The following MGAT4C variants were observed in gnomAD, a reference collection of about 807,000 sequenced individuals.
The protein encoded by MGAT4C is MGAT4 family member C, also known as alpha-1,3-mannosyl-glycoprotein 4-beta-N-acetylglucosaminyltransferase C.
Under a neutral mutation model 40.1 loss-of-function variants are expected in MGAT4C, and 19 were observed. That is an observed-to-expected ratio of 0.47 (90% CI 0.33 to 0.70). The LOEUF is 0.70. Among genes scored for constraint, MGAT4C ranks in the 30% least tolerant of loss-of-function variants. The pLI is 0.02. For missense variants in MGAT4C, 491 were observed against 563.2 expected, an observed-to-expected ratio of 0.87 and a Z score of 1.30; for synonymous variants, 181 against 187.1, an observed-to-expected ratio of 0.97 and a Z score of 0.27.
chr12:85,979,410 T>A lies in MGAT4C; in HGVS notation c.1316A>T (p.Asn439Ile). 6.2e-7 allele frequency: 1 copy of A among 1,613,280 alleles called. No homozygotes were observed. The highest frequency in any genetic ancestry group is 8.5e-7 in the Non-Finnish European group (1 of 1,179,504). Residue 439 changes from asparagine to isoleucine, a missense_variant, in exon 5 of 5, where the codon AAC (asparagine) becomes ATC (isoleucine). Physicochemically the swap from Asn to Ile is moderately radical, Grantham distance 149 (BLOSUM62 -3). Coordinates refer to ENST00000611864, the MANE Select transcript of MGAT4C (RefSeq NM_001351288.2). ...YLRLGEFKNG[N>I]FEMSGVNQKI... The stretch of plus-strand genomic sequence containing the variant: ...TTGATTTACACCTGACATTTCAAAG[T>A]TTCCATTTTTGAATTCTCCTAGTCT...
chr12:86,641,581 T>A (rs927935408), intron 2 of MGAT4C, among the ~76,000 whole-genome samples: 1 of 151,640 alleles, frequency 6.6e-6, no homozygotes, highest in African/African-American at 2.4e-5. Flanking sequence ...TACTGATCCC[T>A]GATAAGAATG....
chr12:86,412,983 C>T (rs1956635580), intron 3 of MGAT4C, among the ~76,000 whole-genome samples: 1 of 152,132 alleles, frequency 6.6e-6, no homozygotes, highest in African/African-American at 2.4e-5. Context: ...TCCCCCTTCA[C>T]TCTCTTCCTC....
chr12:86,099,025 C>A (rs1460604563), intron 1 of MGAT4C, among the ~76,000 whole-genome samples: 3 of 151,332 alleles, frequency 2.0e-5, no homozygotes, highest in East Asian at 3.9e-4. Flanking sequence ...GAAATTCTAC[C>A]TTTTTAAAAT....
chr12:86,654,719 A>AT (rs1422845153), intron 2 of MGAT4C, among the ~76,000 whole-genome samples: 4 of 140,860 alleles, frequency 2.8e-5, no homozygotes, highest in African/African-American at 8.5e-5. Context: ...TTTTCCCTGT[A>AT]CCTTTTTTTT....
rs111538950 is a variant in MGAT4C at position 86,409,691 on chromosome 12, T to C, written c.-120+25466A>G. Among the ~76,000 whole-genome samples the C allele has an allele frequency of 5.8e-3, 881 of 152,250 alleles. 7 individuals are homozygous for C. The highest frequency in any genetic ancestry group is 0.02 in the African/African-American group (845 of 41,556). ...ATTGTGCCCCCACCCAAATCTCATG[T>C]CTGAATTGTAATCCCCAGTGTTGGA... On this transcript the variant is annotated intron_variant, in intron 3 of 7. Transcript: ENST00000548651.
intron 2 of MGAT4C, among the ~76,000 whole-genome samples, chr12:86,659,724 T>C (rs1480763118): frequency 4.6e-5 from 7 of 152,014 alleles, no homozygotes; most frequent in Admixed American, 4.6e-4. Context: ...CATTTAGAAC[T>C]CATTGGAGGT....
At chr12:86,680,373 T>C (rs1045785472) in intron 2 of MGAT4C, among the ~76,000 whole-genome samples, 3 of 151,996 alleles carry the variant, frequency 2.0e-5, no homozygotes, top group Non-Finnish European at 4.4e-5. Flanking sequence ...ATATCCTCAC[T>C]TTACAAATGA....
At chr12:86,100,032 GT>G (rs939129997) in intron 1 of MGAT4C, among the ~76,000 whole-genome samples, 4 of 151,078 alleles carry the variant, frequency 2.6e-5, no homozygotes, top group Admixed American at 1.3e-4. Flanking sequence ...TACTACCTTA[GT>G]TTTTTGAATC....
chr12:86,368,552 G>A (rs760554714), intron 3 of MGAT4C, among the ~76,000 whole-genome samples: 1 of 151,232 alleles, frequency 6.6e-6, no homozygotes, highest in Non-Finnish European at 1.5e-5. Flanking sequence ...TCTTAGCACT[G>A]CTTTTGCTAC....
At chr12:86,223,645 G>A (rs915239093) in intron 1 of MGAT4C, among the ~76,000 whole-genome samples, 2 of 152,140 alleles carry the variant, frequency 1.3e-5, no homozygotes, top group Non-Finnish European at 2.9e-5. Context: ...TTCACTACTG[G>A]GGGCCTGAGG....
chr12:86,432,262 A>G (rs1957055073), intron 3 of MGAT4C, among the ~76,000 whole-genome samples: 2 of 152,100 alleles, frequency 1.3e-5, no homozygotes, highest in Admixed American at 1.3e-4. Context: ...GAAGGCAAAG[A>G]TATGGAAATG....
At chr12:86,689,854 C>A (rs575331069) in intron 2 of MGAT4C, among the ~76,000 whole-genome samples, 1 of 152,282 alleles carries the variant, frequency 6.6e-6, no homozygotes, top group Non-Finnish European at 1.5e-5. Flanking sequence ...GCTGGGAGAT[C>A]CACTTCTCTC....
chr12:86,539,948 A>C (rs1360690487), intron 2 of MGAT4C, among the ~76,000 whole-genome samples: 1 of 152,060 alleles, frequency 6.6e-6, no homozygotes, highest in South Asian at 2.1e-4. Flanking sequence ...TAGATTGTAA[A>C]AATTTTCTCC....
intron 2 of MGAT4C, among the ~76,000 whole-genome samples, chr12:86,017,954 T>A (rs1889259640): frequency 6.6e-6 from 1 of 152,134 alleles, no homozygotes; most frequent in South Asian, 2.1e-4. Flanking sequence ...TCAAGAAAAA[T>A]GCTCATTTAT....
At chr12:85,995,035 G>A (rs1886451997) in intron 2 of MGAT4C, among the ~76,000 whole-genome samples, 1 of 152,208 alleles carries the variant, frequency 6.6e-6, no homozygotes, top group Admixed American at 6.5e-5. Context: ...ATTGGTAACT[G>A]AAAGTATTAA....
chr12:86,076,517 T>A (rs1434062491), intron 1 of MGAT4C, among the ~76,000 whole-genome samples: 6 of 152,200 alleles, frequency 3.9e-5, no homozygotes, highest in Non-Finnish European at 1.5e-5. Flanking sequence ...TGTTTCATGC[T>A]GCTGATAAAG....
intron 1 of MGAT4C, among the ~76,000 whole-genome samples, chr12:86,800,618 T>C (rs1470720327): frequency 1.3e-5 from 2 of 151,798 alleles, no homozygotes; most frequent in Non-Finnish European, 2.9e-5. Context: ...GGTCAGACAA[T>C]AGGATATTTG....
intron 2 of MGAT4C, among the ~76,000 whole-genome samples, chr12:86,477,053 C>T (rs1288563408): frequency 6.6e-6 from 1 of 151,602 alleles, no homozygotes; most frequent in Admixed American, 6.6e-5. Flanking sequence ...TGCAGCAACC[C>T]TGAAAATTTA....
intron 2 of MGAT4C, among the ~76,000 whole-genome samples, chr12:86,447,125 T>A (rs1957354146): frequency 6.6e-6 from 1 of 151,972 alleles, no homozygotes; most frequent in Non-Finnish European, 1.5e-5. Context: ...TCTTTTTGTT[T>A]GTTTGTTTGT....
Sources: gnomAD v4.1 joint callset for allele counts (sites outside exome capture counted in the v4.1 genomes callset) on GRCh38, gnomAD v4.1.1 for gene constraint, MANE v1.5 for transcripts, NCBI Gene and HGNC (gene_info 2026-07-23, HGNC 2026-07-21) for gene names.